SUMF1: variants seen among roughly 807,000 people sequenced by gnomAD.
The protein encoded by SUMF1 is formylglycine-generating enzyme.
Under a neutral mutation model 47.6 loss-of-function variants are expected in SUMF1, and 48 were observed. The ratio of observed to expected loss-of-function variants is 1.01; its 90% CI spans 0.80 to 1.28. The LOEUF (loss-of-function observed/expected upper bound fraction) is 1.28. Among genes scored for constraint, SUMF1 ranks in the 50% most tolerant of loss-of-function variants. SUMF1 has a pLI of 0.00. For synonymous variants in SUMF1, 230 were observed against 192.1 expected, an observed-to-expected ratio of 1.20 and a Z score of -1.63; for missense variants, 571 against 485.4, an observed-to-expected ratio of 1.18 and a Z score of -1.66.
intron 8 of SUMF1, among the ~76,000 whole-genome samples, chr3:4,344,519 C>T (rs1699335137): frequency 6.6e-6 from 1 of 152,152 alleles, no homozygotes; most frequent in Non-Finnish European, 1.5e-5. Context: ...CCCACAAAAG[C>T]CCCATCCAAG....
At chr3:4,134,162 T>A (rs1009126468) in intron 8 of SUMF1, among the ~76,000 whole-genome samples, 1 of 152,114 alleles carries the variant, frequency 6.6e-6, no homozygotes, top group Non-Finnish European at 1.5e-5. Context: ...CAACAGAATA[T>A]ACATTCCTTT....
At chr3:4,218,676 G>C (rs1205759185) in intron 8 of SUMF1, among the ~76,000 whole-genome samples, 1 of 152,146 alleles carries the variant, frequency 6.6e-6, no homozygotes, top group Non-Finnish European at 1.5e-5. Context: ...TCGTGTGAGA[G>C]CATCAGTTTA....
intron 8 of SUMF1, among the ~76,000 whole-genome samples, chr3:4,216,013 C>G (rs1473176164): frequency 2.6e-5 from 4 of 152,188 alleles, no homozygotes; most frequent in Non-Finnish European, 5.9e-5. Context: ...CTACCACTGA[C>G]TTTCTTCACA....
At chr3:4,423,562 T>G (rs1478803947) in intron 3 of SUMF1, among the ~76,000 whole-genome samples, 2 of 152,212 alleles carry the variant, frequency 1.3e-5, no homozygotes, top group African/African-American at 4.8e-5. Context: ...ACCTGATTCT[T>G]GGAGGGGATC....
chr3:4,439,062 G>C (rs1288749698), intron 3 of SUMF1, among the ~76,000 whole-genome samples: 2 of 152,132 alleles, frequency 1.3e-5, no homozygotes, highest in Non-Finnish European at 2.9e-5. Context: ...AATGATAATG[G>C]ACATTAGAAA....
chr3:4,463,490 A>AAAAAC lies in SUMF1; in HGVS notation c.270+3481_270+3485dup, dbSNP rs534500909. 3.3e-4 allele frequency among the ~76,000 whole-genome samples: 50 copies of AAAAAC among 152,360 alleles called. No individual in the cohort carries two copies. The South Asian group carries it at 9.3e-3, about 28-fold the overall frequency. On this transcript the variant is annotated intron_variant, in intron 1 of 8. Coordinates refer to ENST00000272902, the MANE Select transcript of SUMF1 (RefSeq NM_182760.4). ...GGGTGACAGAGCGAGACTCCGTCTC[A>AAAAAC]AAAACAAAACAAAACAAAACAAAAA...
chr3:4,465,308 C>T (rs911019093), intron 1 of SUMF1, among the ~76,000 whole-genome samples: 1 of 152,104 alleles, frequency 6.6e-6, no homozygotes, highest in Non-Finnish European at 1.5e-5. Flanking sequence ...AACCCCATCT[C>T]TATTAAAAAT....
intron 8 of SUMF1, among the ~76,000 whole-genome samples, chr3:4,184,712 G>T (rs1347841807): frequency 7.0e-6 from 1 of 142,448 alleles, no homozygotes; most frequent in Admixed American, 7.0e-5. Flanking sequence ...ATAGTGGTGT[G>T]ATCTCGGCTC....
Position 4,347,873 on chromosome 3 carries a change from T to C in SUMF1, c.1014+28457A>G, listed in dbSNP as rs1259049021. 2.0e-5 allele frequency among the ~76,000 whole-genome samples: 3 copies of C among 152,180 alleles called. No individual in the cohort carries two copies. The South Asian group carries it at 6.2e-4, about 32-fold the overall frequency. On this transcript the variant is annotated intron_variant and NMD_transcript_variant, in intron 8 of 12. Transcript: ENST00000448413. ...AGTCAACGTGCAAAAATCACAAGCA[T>C]TCGTTTACACCAACAACAGGCTAAC...
chr3:4,367,314 GC>G (rs1314612092), intron 8 of SUMF1, among the ~76,000 whole-genome samples: 1 of 152,184 alleles, frequency 6.6e-6, no homozygotes, highest in Non-Finnish European at 1.5e-5. Context: ...TCTGTGCCCT[GC>G]CCCCAGAGGT....
chr3:4,382,943 A>T (rs964250639), intron 7 of SUMF1, among the ~76,000 whole-genome samples: 1 of 152,144 alleles, frequency 6.6e-6, no homozygotes, highest in East Asian at 1.9e-4. Flanking sequence ...TAGGGGAGGG[A>T]TAGCATTAGG....
chr3:4,100,026 A>G (rs181190167), intron 8 of SUMF1, among the ~76,000 whole-genome samples: 39 of 151,588 alleles, frequency 2.6e-4, no homozygotes, highest in Admixed American at 2.0e-3. Context: ...TAATAATACC[A>G]ATTCAATTCA....
At chr3:4,425,570 G>C (rs1702042492) in intron 3 of SUMF1, among the ~76,000 whole-genome samples, 1 of 152,090 alleles carries the variant, frequency 6.6e-6, no homozygotes. Flanking sequence ...CAAGAGCTAA[G>C]GGGTGAAGGA....
intron 8 of SUMF1, among the ~76,000 whole-genome samples, chr3:4,315,402 T>C (rs1441555110): frequency 2.6e-5 from 4 of 152,194 alleles, no homozygotes; most frequent in Admixed American, 2.0e-4. Context: ...ACAGCAGAGA[T>C]ATTCCCAGAG....
chr3:4,243,943 T>C (rs1199568801), intron 8 of SUMF1, among the ~76,000 whole-genome samples: 2 of 152,196 alleles, frequency 1.3e-5, no homozygotes, highest in Non-Finnish European at 2.9e-5. Context: ...GGGGTGCTCC[T>C]GTATTGGGTG....
chr3:4,410,052 A>G (rs767723727), intron 7 of SUMF1, among the ~76,000 whole-genome samples: 1 of 152,344 alleles, frequency 6.6e-6, no homozygotes, highest in East Asian at 1.9e-4. Context: ...TTATAAATAT[A>G]CATTCTTGGA....
chr3:4,182,855 A>G (rs145735457), intron 8 of SUMF1, among the ~76,000 whole-genome samples: 1 of 152,236 alleles, frequency 6.6e-6, no homozygotes, highest in Non-Finnish European at 1.5e-5. Flanking sequence ...TCCTAGAGGT[A>G]AATTATATTC....
At chr3:4,267,077 A>G (rs971748664) in intron 8 of SUMF1, among the ~76,000 whole-genome samples, 2 of 152,168 alleles carry the variant, frequency 1.3e-5, no homozygotes, top group Non-Finnish European at 2.9e-5. Flanking sequence ...GATGAAGCCC[A>G]CTTGATCATG....
At chr3:4,062,203 A>T (rs1428501650) in intron 9 of SUMF1, among the ~76,000 whole-genome samples, 1 of 152,176 alleles carries the variant, frequency 6.6e-6, no homozygotes, top group African/African-American at 2.4e-5. Context: ...GCTGACAGCT[A>T]TTCTCACTGT....
Sources: gnomAD v4.1 joint callset for allele counts (sites outside exome capture counted in the v4.1 genomes callset) on GRCh38, gnomAD v4.1.1 for gene constraint, MANE v1.5 for transcripts, NCBI Gene and HGNC (gene_info 2026-07-23, HGNC 2026-07-21) for gene names.